The following CACNA1I variants were observed in gnomAD, a reference collection of about 807,000 sequenced individuals.
The protein encoded by CACNA1I is voltage-dependent T-type calcium channel subunit alpha-1I.
In CACNA1I, 74 loss-of-function variants were observed where a neutral mutation model predicts 201.6. The ratio of observed to expected loss-of-function variants is 0.37; its 90% CI spans 0.30 to 0.45. The LOEUF (loss-of-function observed/expected upper bound fraction) is 0.45, where lower values mean the gene tolerates loss of function less well. CACNA1I is among the 20% of genes least tolerant of loss of function. The probability of loss-of-function intolerance (pLI) is 1.00; values close to 1 mark genes in which losing one functional copy is unlikely to be tolerated. For missense variants in CACNA1I, 2,346 were observed against 3,138.1 expected, an observed-to-expected ratio of 0.75 and a Z score of 6.03; for synonymous variants, 1,431 against 1,345.2, an observed-to-expected ratio of 1.06 and a Z score of -1.40.
chr22:39,577,135 A>G (rs2145799855), intron 1 of CACNA1I, among the ~76,000 whole-genome samples: 2 of 152,222 alleles, frequency 1.3e-5, no homozygotes. Context: ...TGTTTTTAGT[A>G]GAGACGTGGT....
intron 10 of CACNA1I, among the ~76,000 whole-genome samples, chr22:39,654,318 C>T (rs1463288117): frequency 1.3e-5 from 2 of 152,242 alleles, no homozygotes; most frequent in Admixed American, 1.3e-4. Context: ...CTGACTCCCC[C>T]TGAGCTGGGC....
rs967493685 is a variant in CACNA1I at position 39,648,939 on chromosome 22, G to C, written c.1568-562G>C. On this transcript the variant is annotated intron_variant, in intron 9 of 36. Transcript: ENST00000402142. The surrounding 1 kb of genome is among the most constrained non-coding windows in gnomAD (Gnocchi z 5.4). ...ACCCCTTGCGTGGAGGGAAGTCCCA[G>C]GGGCTTCTGGAGTGAGGGTCTGCCC... is the stretch of plus-strand genomic sequence containing the variant. 1.8e-4 allele frequency among the ~76,000 whole-genome samples: 28 copies of C among 151,866 alleles called. No homozygotes were observed. The highest frequency in any genetic ancestry group is 6.5e-4 in the African/African-American group (27 of 41,362).
chr22:39,684,311 G>A lies in CACNA1I; in HGVS notation c.5840G>A (p.Ser1947Asn), dbSNP rs1467240416. 6.2e-7 allele frequency: 1 copy of A among 1,613,346 alleles called. No homozygotes were observed. Among genetic ancestry groups the A allele is most frequent in the East Asian group, 2.2e-5 (1 of 44,864 alleles). The change falls in exon 36 of 37, where the codon AGT (serine) becomes AAT (asparagine). Residue 1947 changes from serine to asparagine, a missense_variant. Physicochemically the swap from Ser to Asn is conservative, Grantham distance 46. Around this residue, in one of 13 missense-constraint regions of CACNA1I, gnomAD observed 441 missense variants for 555.6 expected, o/e 0.79. Coordinates refer to ENST00000402142, the MANE Select transcript of CACNA1I (RefSeq NM_021096.4). This position sits in a 1 kb window ranked among gnomAD's most constrained non-coding sequence, Gnocchi z 4.6. ...TCTCCTTTCCCAGCAGCACCCCCAA[G>A]TCCCTTCTCCCCGGATGCCTCCAGC... ...LKHDSSQAPP[S>N]PFSPDASSPL...
Position 39,665,494 on chromosome 22 carries a change from T to A in CACNA1I, c.3852-4T>A. 6.2e-7 allele frequency: 1 copy of A among 1,613,458 alleles called. No homozygotes were observed. The highest frequency in any genetic ancestry group is 8.5e-7 in the Non-Finnish European group (1 of 1,179,694). ...ATGTGTGCCTGGCCTCTCCCTGCCG[T>A]CAGTGTCATCAGCCGGGCGCCGGGC... On this transcript the variant is annotated splice_polypyrimidine_tract_variant and splice_region_variant and intron_variant, in intron 21 of 36. Transcript: ENST00000402142. This position sits in a 1 kb window ranked among gnomAD's most constrained non-coding sequence, Gnocchi z 5.5.
At chr22:39,576,870 C>T (rs963313241) in intron 1 of CACNA1I, among the ~76,000 whole-genome samples, 4 of 152,190 alleles carry the variant, frequency 2.6e-5, no homozygotes, top group African/African-American at 7.2e-5. Context: ...GCCCCTCTGC[C>T]GACTTCTGTC....
intron 3 of CACNA1I, among the ~76,000 whole-genome samples, chr22:39,615,597 C>G (rs980341381): frequency 1.3e-5 from 2 of 152,154 alleles, no homozygotes; most frequent in Admixed American, 1.3e-4. Context: ...TCCTCCCTCC[C>G]AACTAAGTGC....
At chr22:39,644,304 G>T (rs1326372244) in intron 7 of CACNA1I, among the ~76,000 whole-genome samples, 1 of 152,170 alleles carries the variant, frequency 6.6e-6, no homozygotes, top group Non-Finnish European at 1.5e-5. Context: ...GGTAAAGCAC[G>T]ATGCTCCCCG....
At chr22:39,641,286 A>T in intron 6 of CACNA1I, 104 bp downstream of exon 6, 1 of 937,386 alleles carries the variant, frequency 1.1e-6, no homozygotes. Flanking sequence ...TCTCACTGAA[A>T]CCTGCCCAGC....
chr22:39,677,386 G>A lies in CACNA1I; in HGVS notation c.4900G>A (p.Ala1634Thr), dbSNP rs1156361135. The part of the protein sequence containing the change: ...LLFMLLFFIY[A>T]ALGVELFGKL... ...CTTCATGCTGCTCTTCTTCATCTAT[G>A]CTGCTCTCGGGGTGGAGCTCTTTGG... is the stretch of plus-strand genomic sequence containing the variant. Residue 1634 changes from alanine to threonine, a missense_variant, in exon 30 of 37, where the codon GCT (alanine) becomes ACT (threonine). Ala to Thr is a moderately conservative substitution (Grantham distance 58). Coordinates refer to ENST00000402142, the MANE Select transcript of CACNA1I (RefSeq NM_021096.4). This position sits in a 1 kb window ranked among gnomAD's most constrained non-coding sequence, Gnocchi z 4.8. The A allele has an allele frequency of 6.3e-7, 1 of 1,597,266 alleles. No individual in the cohort carries two copies. Among genetic ancestry groups the A allele is most frequent in the Non-Finnish European group, 8.5e-7 (1 of 1,174,224 alleles).
At chr22:39,680,876 C>G (rs921891411) in intron 33 of CACNA1I, 54 bp from the exon 34 acceptor site, 2 of 1,569,824 alleles carry the variant, frequency 1.3e-6, no homozygotes, top group African/African-American at 2.7e-5. Flanking sequence ...CCCCAGGACC[C>G]AGGTCTGCCC....
At chr22:39,607,651 G>A (rs1933257551) in intron 3 of CACNA1I, among the ~76,000 whole-genome samples, 1 of 152,204 alleles carries the variant, frequency 6.6e-6, no homozygotes, top group Non-Finnish European at 1.5e-5. Flanking sequence ...TTCATGACAG[G>A]TAGAAGTACT....
Position 39,665,579 on chromosome 22 carries a change from C to T in CACNA1I, c.3933C>T (p.Leu1311=). 1 of 1,613,906 alleles carries T rather than the reference C, an allele frequency of 6.2e-7. No homozygotes were observed. The highest frequency in any genetic ancestry group is 8.5e-7 in the Non-Finnish European group (1 of 1,179,826). The change falls in exon 22 of 37, where the codon CTC becomes CTT. Residue 1311 remains leucine (L), a synonymous_variant. Transcript: ENST00000402142. This position sits in a 1 kb window ranked among gnomAD's most constrained non-coding sequence, Gnocchi z 5.5. Reference sequence around the variant, plus strand: ...TCAAGCCCATCGGCAACATCGTGCTCATCTGCTGTGCCTTCTTCATCATCT... The same window carrying T: ...TCAAGCCCATCGGCAACATCGTGCTTATCTGCTGTGCCTTCTTCATCATCT... ...SSLKPIGNIV[L]ICCAFFIIFG...
At chr22:39,625,543 C>G (rs1336906933) in intron 4 of CACNA1I, among the ~76,000 whole-genome samples, 4 of 152,186 alleles carry the variant, frequency 2.6e-5, no homozygotes, top group Non-Finnish European at 5.9e-5. Context: ...ATACGTGGCT[C>G]TCAACTTTGT....
intron 1 of CACNA1I, among the ~76,000 whole-genome samples, chr22:39,573,723 C>T (rs1245208049): frequency 6.6e-6 from 1 of 152,208 alleles, no homozygotes; most frequent in Non-Finnish European, 1.5e-5. Context: ...GTCCTTGGGG[C>T]CACTGTCTCC....
chr22:39,581,799 T>C (rs1932559222), intron 1 of CACNA1I, among the ~76,000 whole-genome samples: 1 of 152,238 alleles, frequency 6.6e-6, no homozygotes, highest in Non-Finnish European at 1.5e-5. Context: ...GGATGTCTTC[T>C]GCTAATCTGT....
At chr22:39,605,252 G>A (rs528900184) in intron 3 of CACNA1I, among the ~76,000 whole-genome samples, 1 of 152,250 alleles carries the variant, frequency 6.6e-6, no homozygotes, top group African/African-American at 2.4e-5. Flanking sequence ...GAGTTAGAAG[G>A]TTCCTTAGAG....
chr22:39,600,405 T>C (rs1932998441), intron 2 of CACNA1I, 115 bp from the exon 3 acceptor site: 1 of 810,864 alleles, frequency 1.2e-6, no homozygotes, highest in African/African-American at 1.8e-5. Context: ...TTTCCGGGTG[T>C]TTCCCAGGCC....
intron 1 of CACNA1I, among the ~76,000 whole-genome samples, chr22:39,574,932 G>A (rs2055359754): frequency 6.6e-6 from 1 of 152,218 alleles, no homozygotes; most frequent in South Asian, 2.1e-4. Context: ...TTGAAGCCTG[G>A]TGCTCCCTGA....
At chr22:39,634,332 C>A (rs2146412041) in intron 4 of CACNA1I, among the ~76,000 whole-genome samples, 1 of 152,252 alleles carries the variant, frequency 6.6e-6, no homozygotes, top group Non-Finnish European at 1.5e-5. Flanking sequence ...TGTTCATTCA[C>A]AATCTAGTGT....
Sources: gnomAD v4.1 joint callset for allele counts (sites outside exome capture counted in the v4.1 genomes callset) on GRCh38, gnomAD v4.1.1 for gene constraint, gnomAD v4.1.1 regional missense constraint, Gnocchi (gnomAD v3.1) non-coding constraint, MANE v1.5 for transcripts, NCBI Gene and HGNC (gene_info 2026-07-23, HGNC 2026-07-21) for gene names.